CCDC3: variants seen among roughly 807,000 people sequenced by gnomAD.
CCDC3 encodes coiled-coil domain containing 3.
CCDC3 carries 24 observed loss-of-function variants against 21.4 expected under a neutral mutation model. The observed-to-expected ratio is 1.12, with a 90% CI of 0.81 to 1.58. The LOEUF (loss-of-function observed/expected upper bound fraction) is 1.58. Among genes scored for constraint, CCDC3 ranks in the 40% most tolerant of loss-of-function variants. The pLI is 0.00. For synonymous variants in CCDC3, 186 were observed against 166.0 expected, an observed-to-expected ratio of 1.12 and a Z score of -0.93; for missense variants, 425 against 360.9, an observed-to-expected ratio of 1.18 and a Z score of -1.44.
chr10:12,909,152 C>T (rs1273961725), intron 2 of CCDC3, among the ~76,000 whole-genome samples: 10 of 152,164 alleles, frequency 6.6e-5, no homozygotes, highest in Non-Finnish European at 1.0e-4. Context: ...TCCTTGGGCA[C>T]CTCAGTCCTT....
chr10:13,065,873 G>C lies in CCDC3; in HGVS notation c.-270+7995C>G, dbSNP rs1458056920. On this transcript the variant is annotated intron_variant, in intron 4 of 6. Coordinates refer to the CCDC3 transcript ENST00000378839. ...GAACCGAGTCTCTTTACATTACCAA[G>C]TCCACATCACCATGTACAATGATAG... Among the ~76,000 whole-genome samples the C allele has an allele frequency of 2.6e-5, 4 of 152,112 alleles. No individual in the cohort carries two copies. In the South Asian group the frequency reaches 6.2e-4, roughly 24 times the overall value.
upstream of CCDC3, among the ~76,000 whole-genome samples, chr10:13,006,702 A>G (rs1441684878): frequency 1.3e-5 from 2 of 152,084 alleles, no homozygotes; most frequent in African/African-American, 2.4e-5. Context: ...TTAGAGGAGG[A>G]TTTATGGTGT....
chr10:12,898,114 A>T lies in CCDC3; in HGVS notation c.*302T>A. Reference sequence around the variant, plus strand: ...AGAGATTCTAAAATGTTCTCTCCCCAGTCAGGGCTCTTTCTGGGCTGCTCT... The same window carrying T: ...AGAGATTCTAAAATGTTCTCTCCCCTGTCAGGGCTCTTTCTGGGCTGCTCT... On this transcript the variant is annotated 3_prime_UTR_variant, in exon 3 of 3. Coordinates refer to ENST00000378825, the MANE Select transcript of CCDC3 (RefSeq NM_031455.4). 1 of 402,378 alleles carries T rather than the reference A, an allele frequency of 2.5e-6. No homozygotes were observed. The highest frequency in any genetic ancestry group is 4.4e-6 in the Non-Finnish European group (1 of 224,748). The allele number at this position is 402,378 out of a possible 1,614,324, so 24.9% of individuals were successfully genotyped here.
intron 3 of CCDC3, among the ~76,000 whole-genome samples, chr10:13,087,401 T>A (rs578304): frequency 0.019 from 2,322 of 119,882 alleles, 68 homozygotes; most frequent in African/African-American, 0.062. Flanking sequence ...TGAAACTCCA[T>A]CTCAAAAAAA....
Position 12,898,503 on chromosome 10 carries a change from G to C in CCDC3, c.726C>G (p.Asn242Lys). The stretch of plus-strand genomic sequence containing the variant: ...CCGCCAGCTTCTCACTGAGTTTCTG[G>C]TTCGCCAGCTCCAGGTGGCGGCCCT... ...RKKGRHLELA[N>K]QKLSEKLAAG... is the part of the protein sequence containing the mutation. The change falls in exon 3 of 3, where the codon AAC becomes AAG. Residue 242 changes from asparagine (N) to lysine (K), a missense_variant. Physicochemically the swap from Asn to Lys is moderately conservative, Grantham distance 94. Transcript: ENST00000378825. The C allele has an allele frequency of 6.2e-7, 1 of 1,614,128 alleles. No individual in the cohort carries two copies. The highest frequency in any genetic ancestry group is 8.5e-7 in the Non-Finnish European group (1 of 1,179,990).
chr10:12,906,502 G>A (rs1047874644), intron 2 of CCDC3, among the ~76,000 whole-genome samples: 9 of 152,300 alleles, frequency 5.9e-5, no homozygotes, highest in African/African-American at 2.2e-4. Context: ...TGCTGCCGGG[G>A]GAGGAGGTAG....
intron 5 of CCDC3, among the ~76,000 whole-genome samples, chr10:13,042,631 G>C (rs1030987049): frequency 7.3e-5 from 11 of 150,574 alleles, no homozygotes; most frequent in Admixed American, 7.3e-4. Context: ...CTTCTCAGCC[G>C]GGCGTGGTGG....
rs190713303 is a variant in CCDC3, at chr10:12,902,669, G to A, written c.550-3990C>T. Among the ~76,000 whole-genome samples the A allele has an allele frequency of 1.0e-3, 159 of 152,264 alleles. 1 individual carries two copies. Among genetic ancestry groups the A allele is most frequent in the African/African-American group, 3.6e-3 (150 of 41,542 alleles). The stretch of plus-strand genomic sequence containing the variant: ...CTCGATGGCGGTGTTCAGAAGCTGC[G>A]TTTAAAAATCGTGAAAAATAGAGGA... On this transcript the variant is annotated intron_variant, in intron 2 of 2. Transcript: ENST00000378825.
At chr10:12,973,102 C>T (rs1303326451) in intron 2 of CCDC3, among the ~76,000 whole-genome samples, 1 of 152,176 alleles carries the variant, frequency 6.6e-6, no homozygotes, top group Non-Finnish European at 1.5e-5. Flanking sequence ...TTACTACGTG[C>T]CAGGTGCTCT....
chr10:13,011,184 A>AG (rs1256524592), intron 5 of CCDC3, among the ~76,000 whole-genome samples: 3 of 72,848 alleles, frequency 4.1e-5, no homozygotes, highest in Admixed American at 1.7e-4. Context: ...CTGTCTCAGA[A>AG]GAAAAAAAAA....
intron 2 of CCDC3, among the ~76,000 whole-genome samples, chr10:12,904,468 T>TAAAAAAAAAAA (rs55772750): frequency 0.055 from 2,254 of 40,862 alleles, 627 homozygotes; most frequent in Non-Finnish European, 0.057. Context: ...AAGCCAGTCT[T>TAAAAAAAAAAA]AAAAAAAAAA....
At chr10:12,963,351 C>T (rs1564300598) in intron 2 of CCDC3, among the ~76,000 whole-genome samples, 1 of 152,134 alleles carries the variant, frequency 6.6e-6, no homozygotes, top group Non-Finnish European at 1.5e-5. Flanking sequence ...TGATCCTTTT[C>T]ACTGGTATGG....
intron 2 of CCDC3, among the ~76,000 whole-genome samples, chr10:12,990,263 CAAAA>C (rs61700228): frequency 7.0e-5 from 7 of 99,780 alleles, no homozygotes; most frequent in Admixed American, 1.0e-4. Context: ...CCGTCTCAAC[CAAAA>C]AAAAAAAAAA....
rs183611154 is a variant in CCDC3 at position 13,082,489 on chromosome 10, G to A, written c.-502-8389C>T. 1.3e-4 allele frequency among the ~76,000 whole-genome samples: 20 copies of A among 152,006 alleles called. No homozygotes were observed. The East Asian group carries it at 2.9e-3, about 22-fold the overall frequency. ...CTGAAGCACAGCATCACAGGGAGAC[G>A]TTTAGGCCTCTGGATGGCTGCGGGC... On this transcript the variant is annotated intron_variant, in intron 3 of 6. Transcript: ENST00000378839.
At chr10:13,055,796 C>A (rs553079731) in intron 4 of CCDC3, among the ~76,000 whole-genome samples, 2 of 152,302 alleles carry the variant, frequency 1.3e-5, no homozygotes, top group South Asian at 4.1e-4. Flanking sequence ...ACAAATTTGA[C>A]CACATGCTAC....
At chr10:13,063,856 G>A (rs1341674731) in intron 4 of CCDC3, among the ~76,000 whole-genome samples, 1 of 152,134 alleles carries the variant, frequency 6.6e-6, no homozygotes, top group Non-Finnish European at 1.5e-5. Context: ...TTATCCCGAG[G>A]AAGATTTTAG....
intron 2 of CCDC3, among the ~76,000 whole-genome samples, chr10:12,948,527 G>A (rs992799638): frequency 2.0e-5 from 3 of 151,966 alleles, no homozygotes; most frequent in African/African-American, 7.2e-5. Flanking sequence ...AGAACCCCGT[G>A]TGTTTTCTCT....
At chr10:12,942,715 T>G (rs1187785229) in intron 2 of CCDC3, among the ~76,000 whole-genome samples, 1 of 152,170 alleles carries the variant, frequency 6.6e-6, no homozygotes, top group Non-Finnish European at 1.5e-5. Context: ...TACCAATCTT[T>G]TGTCCCCTGT....
intron 2 of CCDC3, among the ~76,000 whole-genome samples, chr10:12,900,395 C>T (rs539017219): frequency 1.3e-5 from 2 of 151,746 alleles, no homozygotes; most frequent in Admixed American, 6.6e-5. Flanking sequence ...ATCATTGAGC[C>T]GGGCTGGGTG....
Sources: allele counts gnomAD v4.1 joint callset (sites outside exome capture counted in the v4.1 genomes callset), GRCh38; gene constraint gnomAD v4.1.1; transcripts MANE v1.5; gene names NCBI Gene and HGNC (gene_info 2026-07-23, HGNC 2026-07-21).